DCDC2: variants seen among roughly 807,000 people sequenced by gnomAD.
DCDC2 encodes the protein doublecortin domain-containing protein 2.
A neutral mutation model predicts 50.2 loss-of-function variants in DCDC2; 40 were observed. That is an observed-to-expected ratio of 0.80 (90% CI 0.62 to 1.04). DCDC2 has a LOEUF of 1.04. Ranked by LOEUF, DCDC2 falls within the 50% of genes least tolerant of loss-of-function variation. The pLI is 0.00. For missense variants in DCDC2, 570 were observed against 581.9 expected (o/e 0.98, Z 0.21); for synonymous variants, 234 against 210.6 (o/e 1.11, Z -0.96).
chr6:24,238,422 C>T (rs1762499828), intron 7 of DCDC2, among the ~76,000 whole-genome samples: 1 of 151,352 alleles, frequency 6.6e-6, no homozygotes, highest in Admixed American at 6.6e-5. Flanking sequence ...CCTCAGCCTC[C>T]CAAGTAGCTA....
At chr6:24,248,303 A>G (rs1762727651) in intron 7 of DCDC2, among the ~76,000 whole-genome samples, 1 of 152,202 alleles carries the variant, frequency 6.6e-6, no homozygotes, top group African/African-American at 2.4e-5. Flanking sequence ...TGTTTCAAAC[A>G]CTAACTTCTT....
intron 7 of DCDC2, among the ~76,000 whole-genome samples, chr6:24,227,994 CCTTCT>C (rs1762266382): frequency 6.6e-6 from 1 of 152,224 alleles, no homozygotes; most frequent in Admixed American, 6.5e-5. Flanking sequence ...CCACCTCCTT[CCTTCT>C]CTTCTGCAGT....
intron 2 of DCDC2, among the ~76,000 whole-genome samples, 189 bp from the exon 3 acceptor site, chr6:24,302,233 G>C (rs1243900184): frequency 1.4e-5 from 2 of 146,524 alleles, no homozygotes; most frequent in Non-Finnish European, 3.0e-5. Flanking sequence ...CCTTAACAAA[G>C]CTCTCAAGAA....
At chr6:24,359,168 T>TTTATATATATTTTATATATTTTATATA (rs1373760873), upstream of DCDC2, among the ~76,000 whole-genome samples, 1 of 70,542 alleles carries the variant, frequency 1.4e-5, no homozygotes, top group African/African-American at 6.4e-5. Context: ...TTTTATATAT[T>TTTATATATATTTTATATATTTTATATA]TTATATATAT....
intron 2 of DCDC2, among the ~76,000 whole-genome samples, chr6:24,315,436 C>T (rs139997825): frequency 2.9e-4 from 44 of 152,214 alleles, no homozygotes; most frequent in African/African-American, 9.9e-4. Context: ...AAGCTGTCTA[C>T]AGTAAATCGT....
rs150433300 is a variant in DCDC2, at chr6:24,273,614, G to A, written c.922+4435C>T. Among the ~76,000 whole-genome samples the A allele has an allele frequency of 1.1e-4, 16 of 152,292 alleles. No homozygotes were observed. The East Asian group carries it at 1.2e-3, about 11-fold the overall frequency. On this transcript the variant is annotated intron_variant, in intron 7 of 9. Coordinates refer to ENST00000378454, the MANE Select transcript of DCDC2 (RefSeq NM_016356.5). ...TTTGATATCCCTTAGGAGGTAACAC[G>A]TGAGAGAGCACATTTTCCTCATGTG...
intron 9 of DCDC2, among the ~76,000 whole-genome samples, chr6:24,176,079 G>A (rs1263778745): frequency 6.6e-6 from 1 of 151,976 alleles, no homozygotes; most frequent in East Asian, 1.9e-4. Flanking sequence ...GATCGCTTGA[G>A]TCCAGGAGTT....
chr6:24,331,413 G>A (rs187086191), intron 2 of DCDC2, among the ~76,000 whole-genome samples: 7 of 151,670 alleles, frequency 4.6e-5, no homozygotes, highest in African/African-American at 1.7e-4. Flanking sequence ...CGATCTTCCT[G>A]CCTTTGCCTC....
At chr6:24,380,033 C>T in the DCDC2 span, among the ~76,000 whole-genome samples, 3 of 128,710 alleles carry the variant, frequency 2.3e-5, no homozygotes, top group Non-Finnish European at 4.8e-5. Context: ...CACACTGGGG[C>T]CTGTTGGGGG....
intron 7 of DCDC2, among the ~76,000 whole-genome samples, chr6:24,262,888 C>A (rs1157221803): frequency 6.6e-6 from 1 of 152,240 alleles, no homozygotes; most frequent in Non-Finnish European, 1.5e-5. Context: ...CAGCAATAGC[C>A]AGGCAGTGGT....
At chr6:24,332,452 A>G (rs1007547602) in intron 2 of DCDC2, among the ~76,000 whole-genome samples, 25 of 152,160 alleles carry the variant, frequency 1.6e-4, no homozygotes, top group Admixed American at 1.6e-3. Flanking sequence ...GACAGCCAAC[A>G]TTAGTCACCA....
chr6:24,284,341 C>T (rs902480187), intron 6 of DCDC2, among the ~76,000 whole-genome samples: 2 of 152,102 alleles, frequency 1.3e-5, no homozygotes, highest in African/African-American at 2.4e-5. Context: ...GGCGTGGTGG[C>T]TCACGCCTCT....
At chr6:24,198,298 G>A (rs1013520668) in intron 8 of DCDC2, among the ~76,000 whole-genome samples, 5 of 152,196 alleles carry the variant, frequency 3.3e-5, no homozygotes, top group Admixed American at 6.5e-5. Context: ...CCCAACTGAG[G>A]TACCCGGCTC....
intron 2 of DCDC2, among the ~76,000 whole-genome samples, chr6:24,341,824 C>T (rs1035472978): frequency 1.3e-5 from 2 of 152,144 alleles, no homozygotes; most frequent in Non-Finnish European, 2.9e-5. Context: ...CACCAAACTA[C>T]CCTTCCAAGA....
In DCDC2 at chr6:24,263,850, TAAAG is replaced by T. The variant is rs376332764; in HGVS notation, c.922+14195_922+14198del. 2.6e-3 allele frequency among the ~76,000 whole-genome samples: 396 copies of T among 152,104 alleles called. 1 individual carries two copies. Among genetic ancestry groups the T allele is most frequent in the African/African-American group, 9.3e-3 (384 of 41,494 alleles). ...CTAATAACAGAGAAATTCCCAAACT[TAAAG>T]AAAGATATCAATATTCACGTACAAG... On this transcript the variant is annotated intron_variant, in intron 7 of 9. Transcript: ENST00000378454.
intron 8 of DCDC2, among the ~76,000 whole-genome samples, chr6:24,201,950 C>T (rs570687208): frequency 6.6e-6 from 1 of 152,012 alleles, no homozygotes; most frequent in Non-Finnish European, 1.5e-5. Context: ...GAAGCCAAAT[C>T]CCTGAATAGA....
At chr6:24,193,094 C>A (rs1581578331) in intron 8 of DCDC2, among the ~76,000 whole-genome samples, 1 of 152,100 alleles carries the variant, frequency 6.6e-6, no homozygotes, top group Non-Finnish European at 1.5e-5. Context: ...AATCCCCTCA[C>A]AATTCTGAGA....
intron 8 of DCDC2, among the ~76,000 whole-genome samples, chr6:24,190,836 C>T (rs1181346119): frequency 6.6e-6 from 1 of 152,136 alleles, no homozygotes; most frequent in Non-Finnish European, 1.5e-5. Context: ...GATAAATATA[C>T]CATTTACACA....
chr6:24,216,336 A>C (rs1018541713), intron 7 of DCDC2, among the ~76,000 whole-genome samples: 6 of 152,208 alleles, frequency 3.9e-5, no homozygotes, highest in African/African-American at 1.4e-4. Context: ...AGGAAAAAAA[A>C]AAGAGTAGGC....
Sources: gnomAD v4.1 joint callset for allele counts (sites outside exome capture counted in the v4.1 genomes callset) on GRCh38, gnomAD v4.1.1 for gene constraint, MANE v1.5 for transcripts, NCBI Gene and HGNC (gene_info 2026-07-23, HGNC 2026-07-21) for gene names.